CLIC5: variants seen among roughly 807,000 people sequenced by gnomAD.
The protein encoded by CLIC5 is chloride intracellular channel protein 5.
A neutral mutation model predicts 24.7 loss-of-function variants in CLIC5; 20 were observed. That is an observed-to-expected ratio of 0.81 (90% confidence interval 0.57 to 1.18). The LOEUF is 1.18. CLIC5 is among the 50% of genes most tolerant of loss of function. The pLI is 0.00. For missense variants in CLIC5, 341 were observed against 326.1 expected, an observed-to-expected ratio of 1.05 and a Z score of -0.35; for synonymous variants, 159 against 135.6, an observed-to-expected ratio of 1.17 and a Z score of -1.20.
chr6:46,065,529 C>G (rs1762418493), intron 1 of CLIC5, among the ~76,000 whole-genome samples: 1 of 152,118 alleles, frequency 6.6e-6, no homozygotes, highest in South Asian at 2.1e-4. Flanking sequence ...GTGCCCTCAA[C>G]TGCTGAATGC....
intron 1 of CLIC5, among the ~76,000 whole-genome samples, chr6:46,063,074 A>T (rs2127471043): frequency 6.6e-6 from 1 of 152,328 alleles, no homozygotes; most frequent in East Asian, 1.9e-4. Context: ...ATATCTTTAA[A>T]GAGAATGGAA....
At chr6:45,888,137 GC>G (rs1361975618) in intron 6 of CLIC5, among the ~76,000 whole-genome samples, 1 of 152,198 alleles carries the variant, frequency 6.6e-6, no homozygotes, top group Non-Finnish European at 1.5e-5. Flanking sequence ...TTCACAGCCT[GC>G]CCCTTCCCTG....
At chr6:46,006,093 CATATATATATATATAT>C (rs1243138730) in intron 1 of CLIC5, among the ~76,000 whole-genome samples, 3 of 94,798 alleles carry the variant, frequency 3.2e-5, no homozygotes, top group African/African-American at 9.1e-5. Context: ...TGTATAAATA[CATATATATATATATAT>C]ATACACATGT....
the CLIC5 span, among the ~76,000 whole-genome samples, chr6:46,086,029 G>T: frequency 1.3e-5 from 2 of 152,216 alleles, no homozygotes; most frequent in African/African-American, 4.8e-5. Context: ...AGACTCCGTG[G>T]GCGTAGGACC....
At chr6:46,114,165 G>A in the CLIC5 span, among the ~76,000 whole-genome samples, 2 of 152,148 alleles carry the variant, frequency 1.3e-5, no homozygotes, top group Non-Finnish European at 2.9e-5. Flanking sequence ...TTTTTATTAT[G>A]TGGAACCCTT....
At chr6:46,083,063 C>T (rs535382555), upstream of CLIC5, among the ~76,000 whole-genome samples, 56 of 152,298 alleles carry the variant, frequency 3.7e-4, no homozygotes, top group Non-Finnish European at 6.2e-4. Context: ...TGGGTACTTA[C>T]GTTTCACGAG....
upstream of CLIC5, among the ~76,000 whole-genome samples, chr6:46,019,838 A>G (rs1381142070): frequency 6.6e-6 from 1 of 151,492 alleles, no homozygotes; most frequent in Non-Finnish European, 1.5e-5. Context: ...CATAATAATA[A>G]TAATAATAAC....
upstream of CLIC5, chr6:46,016,013 A>T: frequency 1.7e-6 from 1 of 573,062 alleles, no homozygotes; most frequent in Non-Finnish European, 2.2e-6. Flanking sequence ...GCGGAGACAG[A>T]GCTGGTCCTG....
At chr6:45,948,798 C>A (rs906544018) in intron 3 of CLIC5, among the ~76,000 whole-genome samples, 1 of 152,052 alleles carries the variant, frequency 6.6e-6, no homozygotes, top group Admixed American at 6.6e-5. Context: ...TGGACTCAGA[C>A]CAGATTTGGT....
At chr6:45,897,915 A>G (rs1277119071), downstream of CLIC5, among the ~76,000 whole-genome samples, 1 of 152,162 alleles carries the variant, frequency 6.6e-6, no homozygotes, top group Non-Finnish European at 1.5e-5. Flanking sequence ...CTGAAAGAGC[A>G]TCAGTATAAT....
At chr6:46,101,428 C>T in the CLIC5 span, among the ~76,000 whole-genome samples, 55 of 152,214 alleles carry the variant, frequency 3.6e-4, no homozygotes, top group South Asian at 1.5e-3. Context: ...TAGAATTGGG[C>T]GACATCTCAT....
intron 4 of CLIC5, among the ~76,000 whole-genome samples, chr6:45,928,888 G>A (rs536596880): frequency 6.6e-5 from 10 of 152,268 alleles, no homozygotes; most frequent in Admixed American, 3.3e-4. Context: ...GTAACGGTAG[G>A]AAGAGGTGAA....
At chr6:45,962,177 T>C (rs1366449424) in intron 1 of CLIC5, among the ~76,000 whole-genome samples, 4 of 149,886 alleles carry the variant, frequency 2.7e-5, no homozygotes, top group Non-Finnish European at 5.9e-5. Context: ...ATATTATATA[T>C]ATGTGTGTGT....
chr6:45,913,386 G>A (rs1304357136), intron 5 of CLIC5, among the ~76,000 whole-genome samples: 1 of 152,190 alleles, frequency 6.6e-6, no homozygotes, highest in Non-Finnish European at 1.5e-5. Context: ...GGCAAGCAAA[G>A]CTGTTCTCTG....
At chr6:45,956,714 A>G (rs1301468766) in intron 1 of CLIC5, among the ~76,000 whole-genome samples, 1 of 152,170 alleles carries the variant, frequency 6.6e-6, no homozygotes, top group Non-Finnish European at 1.5e-5. Flanking sequence ...TGTAATTGCT[A>G]TGAAATTACA....
At chr6:45,915,284 A>G (rs933488878) in intron 4 of CLIC5, among the ~76,000 whole-genome samples, 31 of 152,162 alleles carry the variant, frequency 2.0e-4, no homozygotes, top group Admixed American at 1.5e-3. Context: ...AATATTCCAC[A>G]TCAACCTACA....
intron 3 of CLIC5, among the ~76,000 whole-genome samples, chr6:45,946,401 T>A (rs1764289667): frequency 6.6e-6 from 1 of 152,166 alleles, no homozygotes; most frequent in Non-Finnish European, 1.5e-5. Context: ...TGGGATCAAA[T>A]GTGATTTGAA....
chr6:46,127,459 C>A, the CLIC5 span, among the ~76,000 whole-genome samples: 3 of 151,996 alleles, frequency 2.0e-5, no homozygotes, highest in Non-Finnish European at 4.4e-5. Flanking sequence ...TCTATATTTC[C>A]AAAATTTATA....
intron 2 of CLIC5, 97 bp from the exon 3 acceptor site, chr6:45,949,478 C>A: frequency 1.5e-6 from 2 of 1,328,754 alleles, no homozygotes; most frequent in Non-Finnish European, 1.0e-6. Context: ...CCTGTGCTAT[C>A]CAACATGCCT....
Sources: gnomAD v4.1 joint callset for allele counts (sites outside exome capture counted in the v4.1 genomes callset) on GRCh38, gnomAD v4.1.1 for gene constraint, MANE v1.5 for transcripts, NCBI Gene and HGNC (gene_info 2026-07-23, HGNC 2026-07-21) for gene names.